The following PXDNL variants were observed in gnomAD, a reference collection of about 807,000 sequenced individuals.
PXDNL encodes peroxidasin like.
Under a neutral mutation model 150.8 loss-of-function variants are expected in PXDNL, and 145 were observed. The observed-to-expected ratio is 0.96, with a 90% CI of 0.84 to 1.10. The LOEUF (loss-of-function observed/expected upper bound fraction) is 1.10, where lower values mean the gene tolerates loss of function less well. PXDNL is among the 50% of genes least tolerant of loss of function. The probability of loss-of-function intolerance (pLI) is 0.00; values close to 1 mark genes in which losing one functional copy is unlikely to be tolerated. For missense variants in PXDNL, 2,087 were observed against 1,873.9 expected (o/e 1.11, Z -2.10); for synonymous variants, 757 against 725.7 (o/e 1.04, Z -0.69).
At chr8:51,552,355 T>C (rs1365640994) in intron 4 of PXDNL, among the ~76,000 whole-genome samples, 5 of 152,134 alleles carry the variant, frequency 3.3e-5, no homozygotes, top group Non-Finnish European at 5.9e-5. Flanking sequence ...AAAGAAGTTA[T>C]TATATAAAAC....
At chr8:51,808,579 G>A (rs887332032) in intron 1 of PXDNL, among the ~76,000 whole-genome samples, 5 of 152,172 alleles carry the variant, frequency 3.3e-5, no homozygotes, top group East Asian at 3.9e-4. Context: ...CTACTATCCC[G>A]TAATGCCTCC....
chr8:51,747,148 A>C (rs964659643), intron 1 of PXDNL, among the ~76,000 whole-genome samples: 6 of 152,250 alleles, frequency 3.9e-5, no homozygotes, highest in Non-Finnish European at 8.8e-5. Flanking sequence ...GTTTGTCGAT[A>C]GCATGAAATT....
chr8:51,582,196 A>C (rs1466913812), intron 3 of PXDNL, among the ~76,000 whole-genome samples: 1 of 152,100 alleles, frequency 6.6e-6, no homozygotes, highest in Non-Finnish European at 1.5e-5. Context: ...TGGGATGCTA[A>C]TCCTACAGGA....
chr8:51,754,599 G>A (rs1032590333), intron 1 of PXDNL, among the ~76,000 whole-genome samples: 6 of 152,106 alleles, frequency 3.9e-5, no homozygotes, highest in Admixed American at 2.0e-4. Context: ...CGCCTCCTGG[G>A]TTCATTCCAT....
intron 1 of PXDNL, among the ~76,000 whole-genome samples, chr8:51,803,648 C>A (rs1046287842): frequency 6.6e-6 from 1 of 152,176 alleles, no homozygotes; most frequent in Non-Finnish European, 1.5e-5. Context: ...GCAAGGGGGG[C>A]ACATTTCCCA....
chr8:51,501,588 A>C (rs528438351), intron 4 of PXDNL, among the ~76,000 whole-genome samples: 1 of 151,580 alleles, frequency 6.6e-6, no homozygotes, highest in Non-Finnish European at 1.5e-5. Flanking sequence ...ACTCACACAC[A>C]CTCACCTAAT....
At chr8:51,728,862 G>A (rs1816867254) in intron 1 of PXDNL, among the ~76,000 whole-genome samples, 1 of 152,080 alleles carries the variant, frequency 6.6e-6, no homozygotes. Flanking sequence ...AATGTCCTAG[G>A]CCTTCACATT....
chr8:51,679,339 C>A (rs192473126), intron 1 of PXDNL, among the ~76,000 whole-genome samples: 39 of 152,196 alleles, frequency 2.6e-4, no homozygotes, highest in Non-Finnish European at 3.5e-4. Flanking sequence ...ACCCCTTAAG[C>A]CCCAGTCTTC....
chr8:51,434,003 G>A (rs1019971223), intron 12 of PXDNL, among the ~76,000 whole-genome samples: 1 of 151,084 alleles, frequency 6.6e-6, no homozygotes, highest in Non-Finnish European at 1.5e-5. Context: ...TTCTTTTTTT[G>A]AATCTCAGCT....
Position 51,517,540 on chromosome 8 carries a change from T to G in PXDNL, c.381-17770A>C, listed in dbSNP as rs559774144. Among the ~76,000 whole-genome samples the G allele has an allele frequency of 2.3e-3, 353 of 152,340 alleles. 1 individual carries two copies. The highest frequency in any genetic ancestry group is 4.4e-3 in the Admixed American group (68 of 15,300). On this transcript the variant is annotated intron_variant, in intron 4 of 22. Coordinates refer to ENST00000356297, the MANE Select transcript of PXDNL (RefSeq NM_144651.5). The stretch of plus-strand genomic sequence containing the variant: ...ATGCTTTCTAAGACTTGGTCTAGCT[T>G]CTTTGCCAGAGCAGTAGATTTGTTA...
intron 21 of PXDNL, among the ~76,000 whole-genome samples, chr8:51,324,524 C>G (rs1387217670): frequency 6.6e-6 from 1 of 152,078 alleles, no homozygotes; most frequent in African/African-American, 2.4e-5. Context: ...ATTGTCCTTC[C>G]CTTCTCTCTT....
intron 2 of PXDNL, among the ~76,000 whole-genome samples, chr8:51,648,102 G>A (rs1814961886): frequency 1.3e-5 from 2 of 152,028 alleles, no homozygotes; most frequent in African/African-American, 4.8e-5. Flanking sequence ...CTAAATATAT[G>A]TCACTCTTAC....
chr8:51,701,820 G>T (rs1483018596), intron 1 of PXDNL, among the ~76,000 whole-genome samples: 3 of 101,350 alleles, frequency 3.0e-5, no homozygotes, highest in African/African-American at 4.0e-5. Flanking sequence ...AGACATTTTC[G>T]AAATGCAGTC....
chr8:51,390,805 T>C (rs1807876056), intron 17 of PXDNL, among the ~76,000 whole-genome samples: 1 of 152,114 alleles, frequency 6.6e-6, no homozygotes, highest in Admixed American at 6.5e-5. Flanking sequence ...GCAGGTTAGT[T>C]ACATATGTAT....
intron 3 of PXDNL, among the ~76,000 whole-genome samples, chr8:51,568,234 T>C (rs931147911): frequency 6.6e-6 from 1 of 151,446 alleles, no homozygotes; most frequent in Non-Finnish European, 1.5e-5. Flanking sequence ...TAAGTCTGAG[T>C]TTCAGATCTA....
At chr8:51,444,011 T>A (rs1809613908) in intron 12 of PXDNL, among the ~76,000 whole-genome samples, 1 of 152,230 alleles carries the variant, frequency 6.6e-6, no homozygotes, top group Non-Finnish European at 1.5e-5. Flanking sequence ...ACTTATCATT[T>A]AACTTTAGGT....
chr8:51,402,066 GA>G (rs1210468977), intron 17 of PXDNL, among the ~76,000 whole-genome samples: 1 of 152,196 alleles, frequency 6.6e-6, no homozygotes, highest in Non-Finnish European at 1.5e-5. Context: ...AAGTTTTTGG[GA>G]AGGAATCATG....
rs758678096 is a variant in PXDNL, at chr8:51,408,469, G to T, written c.3155C>A (p.Ala1052Asp). ...GATTAATGTGTGGCCAAATCTAAAG[G>T]CTGCAGTAGCAAAAGAGTTAATGAT... ...AGIINSFATA[A>D]FRFGHTLINP... The change falls in exon 17 of 23, where the codon GCC becomes GAC. Residue 1052 changes from alanine (A) to aspartate (D), a missense_variant. Coordinates refer to ENST00000356297, the MANE Select transcript of PXDNL (RefSeq NM_144651.5). The T allele has an allele frequency of 6.1e-5, 99 of 1,613,760 alleles. No homozygotes were observed. Among genetic ancestry groups the T allele is most frequent in the Non-Finnish European group, 7.8e-5 (92 of 1,179,830 alleles).
intron 1 of PXDNL, among the ~76,000 whole-genome samples, chr8:51,694,331 C>G (rs1328849270): frequency 6.6e-6 from 1 of 151,784 alleles, no homozygotes; most frequent in East Asian, 1.9e-4. Flanking sequence ...CTACTGCCCT[C>G]CGGCCTGAGC....
Sources: allele counts gnomAD v4.1 joint callset (sites outside exome capture counted in the v4.1 genomes callset), GRCh38; gene constraint gnomAD v4.1.1; transcripts MANE v1.5; gene names NCBI Gene and HGNC (gene_info 2026-07-23, HGNC 2026-07-21).